The following PRSS55 variants were observed in gnomAD, a reference collection of about 807,000 sequenced individuals.
PRSS55 encodes serine protease 55.
In PRSS55, 41 loss-of-function variants were observed where a neutral mutation model predicts 23.6. The ratio of observed to expected loss-of-function variants is 1.74; its 90% CI spans 1.35 to 2.26. The LOEUF is 2.26. Ranked by LOEUF, PRSS55 falls within the 30% of genes most tolerant of loss-of-function variation. The pLI is 0.00. For missense variants in PRSS55, 669 were observed against 439.1 expected (o/e 1.52, Z -4.68); for synonymous variants, 262 against 175.5 (o/e 1.49, Z -3.90).
At position 10,554,066 on chromosome 8, in the gene PRSS55, T is replaced by G. The variant is rs1813009475; in HGVS notation, c.*34T>G. The G allele has an allele frequency of 9.1e-6, 13 of 1,430,980 alleles. No individual in the cohort carries two copies. In the East Asian group the frequency reaches 2.5e-4, roughly 27 times the overall value. The allele number at this position is 1,430,980 out of a possible 1,614,324, so 88.6% of individuals were successfully genotyped here. ...TCTTTCTTCTACATGGAGCCATTTT[T>G]GGGGCAGAAAACATACCCTTGGGCA... On this transcript the variant is annotated 3_prime_UTR_variant, in exon 5 of 5. Transcript: ENST00000522210.
At chr8:10,531,642 G>A (rs1465973519) in intron 3 of PRSS55, 97 bp downstream of exon 3, 10 of 1,522,188 alleles carry the variant, frequency 6.6e-6, no homozygotes, top group Non-Finnish European at 8.8e-6. Context: ...ACTTGCATTG[G>A]AGCAGATTCC....
intron 1 of PRSS55, among the ~76,000 whole-genome samples, chr8:10,527,479 TGAA>T (rs1284141278): frequency 6.6e-6 from 1 of 152,060 alleles, no homozygotes; most frequent in African/African-American, 2.4e-5. Context: ...GAGGATGCAA[TGAA>T]GAAATATAAA....
chr8:10,534,601 G>C (rs139835379), intron 4 of PRSS55, among the ~76,000 whole-genome samples: 43 of 152,270 alleles, frequency 2.8e-4, no homozygotes, highest in African/African-American at 9.4e-4. Context: ...CAAACCCACA[G>C]CCAACATTAT....
chr8:10,533,222 G>C (rs1044005257), intron 4 of PRSS55, among the ~76,000 whole-genome samples, 174 bp downstream of exon 4: 2 of 152,212 alleles, frequency 1.3e-5, no homozygotes, highest in African/African-American at 2.4e-5. Flanking sequence ...CTGGAGCTGT[G>C]AGTGAGCACC....
intron 4 of PRSS55, chr8:10,544,833 T>C (rs1340351731): frequency 3.6e-5 from 7 of 195,512 alleles, no homozygotes; most frequent in Non-Finnish European, 6.5e-5. Flanking sequence ...TATTTTCCTA[T>C]ATTTACATCT....
chr8:10,548,784 C>A (rs990543707), intron 4 of PRSS55, among the ~76,000 whole-genome samples: 3 of 152,132 alleles, frequency 2.0e-5, no homozygotes, highest in African/African-American at 7.2e-5. Flanking sequence ...CCCCTCCAGG[C>A]AGCCCTCCTG....
downstream of PRSS55, chr8:10,541,684 C>T (rs1345857107): frequency 6.6e-6 from 1 of 152,126 alleles, no homozygotes; most frequent in Non-Finnish European, 1.5e-5. Context: ...TTCTGGAAAA[C>T]CTGACTAATA....
At chr8:10,532,826 C>G in intron 3 of PRSS55, 80 bp from the exon 4 acceptor site, 1 of 1,571,920 alleles carries the variant, frequency 6.4e-7, no homozygotes, top group Non-Finnish European at 8.7e-7. Context: ...GACACAGGGC[C>G]GAGGGCACAG....
At chr8:10,526,839 C>T (rs555316338) in intron 1 of PRSS55, among the ~76,000 whole-genome samples, 36 of 152,210 alleles carry the variant, frequency 2.4e-4, no homozygotes, top group Non-Finnish European at 4.0e-4. Context: ...TTATCTTATG[C>T]TTATTTTAGG....
chr8:10,551,439 C>T (rs899634312), intron 4 of PRSS55, among the ~76,000 whole-genome samples: 5 of 152,168 alleles, frequency 3.3e-5, no homozygotes, highest in African/African-American at 9.7e-5. Flanking sequence ...TTAGGGAGCT[C>T]GACCTCTGGT....
chr8:10,534,819 A>C (rs565204994), intron 4 of PRSS55, among the ~76,000 whole-genome samples: 1 of 152,362 alleles, frequency 6.6e-6, no homozygotes, highest in East Asian at 1.9e-4. Flanking sequence ...GGAAAACCCC[A>C]TAGTCTCTGC....
At chr8:10,539,959 C>T (rs1469217777), downstream of PRSS55, among the ~76,000 whole-genome samples, 1 of 152,226 alleles carries the variant, frequency 6.6e-6, no homozygotes, top group Non-Finnish European at 1.5e-5. Flanking sequence ...TTTCCCTCGC[C>T]TCTCAAGCTG....
At chr8:10,535,290 A>G (rs565487127) in intron 4 of PRSS55, among the ~76,000 whole-genome samples, 1 of 152,362 alleles carries the variant, frequency 6.6e-6, no homozygotes, top group African/African-American at 2.4e-5. Flanking sequence ...ACAAAGCTGG[A>G]GGCATCATGC....
At chr8:10,535,809 A>G (rs1812433720) in intron 4 of PRSS55, among the ~76,000 whole-genome samples, 1 of 152,240 alleles carries the variant, frequency 6.6e-6, no homozygotes, top group East Asian at 1.9e-4. Flanking sequence ...TTTGCAAACT[A>G]TGCATCTGAC....
rs71280774 is a variant in PRSS55 at position 10,536,685 on chromosome 8, TA to T, written c.742-1782del. On this transcript the variant is annotated intron_variant, in intron 4 of 4. Transcript: ENST00000328655. ...TACACTGTGGAATACTACGAAGCCA[TA>T]AAAAAAAACAAAATCATATCCTTTG... Among the ~76,000 whole-genome samples the T allele has an allele frequency of 7.3e-5, 11 of 151,318 alleles. 1 individual carries two copies. Among genetic ancestry groups the T allele is most frequent in the South Asian group, 6.3e-4 (3 of 4,772 alleles).
chr8:10,533,060 G>A lies in PRSS55; in HGVS notation c.741+12G>A, dbSNP rs771847898. The A allele has an allele frequency of 1.2e-5, 19 of 1,613,952 alleles. No individual in the cohort carries two copies. In the African/African-American group the frequency reaches 2.3e-4, roughly 19 times the overall value. Reference sequence around the variant, plus strand: ...ATGATGCCTGCAAGGTAACTAGGGGGTACCCTCCCTCACCTTATAGGTCCT... The same window carrying A: ...ATGATGCCTGCAAGGTAACTAGGGGATACCCTCCCTCACCTTATAGGTCCT... On this transcript the variant is annotated intron_variant, in intron 4 of 4. Transcript: ENST00000328655.
At chr8:10,537,162 G>A (rs1431081117) in intron 4 of PRSS55, among the ~76,000 whole-genome samples, 1 of 152,232 alleles carries the variant, frequency 6.6e-6, no homozygotes, top group Admixed American at 6.5e-5. Context: ...GTATATCGAA[G>A]AGACATCTGC....
intron 4 of PRSS55, among the ~76,000 whole-genome samples, chr8:10,551,164 C>T (rs73662862): frequency 6.6e-6 from 1 of 152,176 alleles, no homozygotes; most frequent in African/African-American, 2.4e-5. Flanking sequence ...CTGTGCTCAA[C>T]AAGCAATAAA....
At chr8:10,546,243 A>G (rs892599743) in intron 4 of PRSS55, among the ~76,000 whole-genome samples, 3 of 152,204 alleles carry the variant, frequency 2.0e-5, no homozygotes, top group African/African-American at 7.2e-5. Context: ...GAGTAAGGCT[A>G]TTGAGGCTGT....
Sources: gnomAD v4.1 joint callset for allele counts (sites outside exome capture counted in the v4.1 genomes callset) on GRCh38, gnomAD v4.1.1 for gene constraint, MANE v1.5 for transcripts, NCBI Gene and HGNC (gene_info 2026-07-23, HGNC 2026-07-21) for gene names.